Variants in SEZ6L observed in about 807,000 individuals in gnomAD.
SEZ6L encodes seizure 6-like protein.
In SEZ6L, 37 loss-of-function variants were observed where a neutral mutation model predicts 106.2. The ratio of observed to expected loss-of-function variants is 0.35; its 90% CI spans 0.27 to 0.46. The LOEUF is 0.46. SEZ6L is among the 20% of genes least tolerant of loss of function. The pLI is 1.00. For missense variants in SEZ6L, 1,172 were observed against 1,332.8 expected, an observed-to-expected ratio of 0.88 and a Z score of 1.88; for synonymous variants, 541 against 570.4, an observed-to-expected ratio of 0.95 and a Z score of 0.73.
At chr22:26,231,350 G>A (rs1404688801) in intron 1 of SEZ6L, among the ~76,000 whole-genome samples, 1 of 152,176 alleles carries the variant, frequency 6.6e-6, no homozygotes, top group African/African-American at 2.4e-5. Context: ...TGGTGAGCGT[G>A]TCTTATGGGG....
At chr22:26,285,149 C>G (rs931534777) in intron 1 of SEZ6L, among the ~76,000 whole-genome samples, 1 of 152,144 alleles carries the variant, frequency 6.6e-6, no homozygotes, top group Non-Finnish European at 1.5e-5. Context: ...TCTCAAAGTG[C>G]AAATGGGATC....
At chr22:26,313,954 A>G in intron 9 of SEZ6L, 52 bp downstream of exon 9, 1 of 1,560,168 alleles carries the variant, frequency 6.4e-7, no homozygotes, top group South Asian at 1.1e-5. Context: ...TGGGAGATTG[A>G]GAAAGAAATT....
At position 26,333,051 on chromosome 22, in the gene SEZ6L, C is replaced by A. The variant is rs567995224; in HGVS notation, c.2016-7385C>A. Among the ~76,000 whole-genome samples, 54 of 152,324 alleles carry A rather than the reference C, an allele frequency of 3.5e-4. No homozygotes were observed. The South Asian group carries it at 0.011, about 31-fold the overall frequency. On this transcript the variant is annotated intron_variant, in intron 9 of 16. Transcript: ENST00000248933. ...AATGTGGGTCCTGTGAAATGCTTTC[C>A]CATTCAAAAGCTATCCAATGGGACC... is the stretch of plus-strand genomic sequence containing the variant.
intron 1 of SEZ6L, chr22:26,254,011 T>C (rs1417502619): frequency 6.6e-6 from 1 of 152,208 alleles, no homozygotes; most frequent in Admixed American, 6.5e-5. Flanking sequence ...ATGGGAAATG[T>C]TCATCCTTCG....
At chr22:26,275,231 C>A (rs745735763) in intron 1 of SEZ6L, among the ~76,000 whole-genome samples, 1 of 152,092 alleles carries the variant, frequency 6.6e-6, no homozygotes, top group Non-Finnish European at 1.5e-5. Flanking sequence ...AAAAGAGATA[C>A]GTATTCAGTA....
chr22:26,312,062 C>A, intron 8 of SEZ6L, 100 bp downstream of exon 8: 2 of 1,185,780 alleles, frequency 1.7e-6, no homozygotes, highest in South Asian at 2.9e-5. Flanking sequence ...CCCCAGTTTT[C>A]ATACCAACTT....
chr22:26,172,953 C>T (rs1938726111), intron 1 of SEZ6L, among the ~76,000 whole-genome samples: 1 of 152,180 alleles, frequency 6.6e-6, no homozygotes, highest in Admixed American at 6.5e-5. Flanking sequence ...TTTGACTGAA[C>T]TGGGCACTGG....
At chr22:26,365,061 G>A in intron 12 of SEZ6L, 1 of 235,068 alleles carries the variant, frequency 4.3e-6, no homozygotes. Context: ...TCGTCGTTAT[G>A]CTAATGAGGA....
chr22:26,171,027 C>T (rs1938565740), intron 1 of SEZ6L, among the ~76,000 whole-genome samples: 1 of 152,222 alleles, frequency 6.6e-6, no homozygotes, highest in African/African-American at 2.4e-5. Context: ...GCTCTGGGTC[C>T]CTTTCCCTTC....
intron 1 of SEZ6L, among the ~76,000 whole-genome samples, chr22:26,212,159 G>A (rs1208432099): frequency 6.6e-6 from 1 of 152,134 alleles, no homozygotes; most frequent in African/African-American, 2.4e-5. Context: ...ATTAGAAGCG[G>A]GTCAATGGGC....
intron 1 of SEZ6L, among the ~76,000 whole-genome samples, chr22:26,214,525 G>T (rs1323864396): frequency 6.6e-6 from 1 of 152,258 alleles, no homozygotes; most frequent in Non-Finnish European, 1.5e-5. Flanking sequence ...TCCTGAAGGA[G>T]CCAGAACTAT....
intron 1 of SEZ6L, among the ~76,000 whole-genome samples, chr22:26,291,477 A>G (rs1207372): frequency 0.16 from 23,685 of 152,054 alleles, 2,489 homozygotes; most frequent in Non-Finnish European, 0.23. Context: ...ATTAGGAAAA[A>G]TAGGTAATGC....
intron 1 of SEZ6L, among the ~76,000 whole-genome samples, chr22:26,235,347 A>G (rs572009950): frequency 1.3e-5 from 2 of 152,220 alleles, no homozygotes; most frequent in Non-Finnish European, 2.9e-5. Flanking sequence ...GTATCCATGT[A>G]TTTATTCATC....
At chr22:26,366,637 G>C (rs1254142590) in intron 13 of SEZ6L, among the ~76,000 whole-genome samples, 1 of 152,012 alleles carries the variant, frequency 6.6e-6, no homozygotes, top group Non-Finnish European at 1.5e-5. Flanking sequence ...GATCCCAGGA[G>C]ACAGAGGTTG....
At chr22:26,240,082 A>ACT (rs2079073475) in intron 1 of SEZ6L, among the ~76,000 whole-genome samples, 3 of 141,642 alleles carry the variant, frequency 2.1e-5, no homozygotes, top group Non-Finnish European at 3.0e-5. Flanking sequence ...ACACACACAC[A>ACT]CACACACACT....
At chr22:26,183,157 C>T (rs1401066078) in intron 1 of SEZ6L, among the ~76,000 whole-genome samples, 1 of 152,194 alleles carries the variant, frequency 6.6e-6, no homozygotes, top group Non-Finnish European at 1.5e-5. Context: ...TTTGATTATA[C>T]ATAAAGAAGC....
At chr22:26,320,757 G>A (rs535189444) in intron 9 of SEZ6L, among the ~76,000 whole-genome samples, 3 of 152,274 alleles carry the variant, frequency 2.0e-5, no homozygotes, top group Non-Finnish European at 4.4e-5. Context: ...TAAAGTCTAA[G>A]TCAGTTTTTC....
intron 1 of SEZ6L, among the ~76,000 whole-genome samples, chr22:26,176,083 G>C (rs1039247785): frequency 5.3e-5 from 8 of 151,910 alleles, no homozygotes; most frequent in African/African-American, 1.9e-4. Context: ...CCAGGGGGCT[G>C]TCTTTGTGCT....
rs545648145 is a variant in SEZ6L at position 26,176,912 on chromosome 22, C to G, written c.94+7149C>G. 2.0e-4 allele frequency among the ~76,000 whole-genome samples: 31 copies of G among 152,300 alleles called. 1 individual carries two copies. In the South Asian group the frequency reaches 6.0e-3, roughly 30 times the overall value. Reference sequence around the variant, plus strand: ...TGACCCCTTATCACATTTTATCCCTCTACTATGGGTAATTCATACACTGAT... The same window carrying G: ...TGACCCCTTATCACATTTTATCCCTGTACTATGGGTAATTCATACACTGAT... On this transcript the variant is annotated intron_variant, in intron 1 of 16. Transcript: ENST00000248933.
Sources: allele counts gnomAD v4.1 joint callset (sites outside exome capture counted in the v4.1 genomes callset), GRCh38; gene constraint gnomAD v4.1.1; transcripts MANE v1.5; gene names NCBI Gene and HGNC (gene_info 2026-07-23, HGNC 2026-07-21).